Variants in PLCB4 observed in about 807,000 individuals in gnomAD.
PLCB4 encodes phospholipase C beta 4.
A neutral mutation model predicts 178.8 loss-of-function variants in PLCB4; 77 were observed. The ratio of observed to expected loss-of-function variants is 0.43; its 90% CI spans 0.36 to 0.52. The LOEUF (loss-of-function observed/expected upper bound fraction) is 0.52, where lower values mean the gene tolerates loss of function less well. Ranked by LOEUF, PLCB4 falls within the 20% of genes least tolerant of loss-of-function variation. The probability of loss-of-function intolerance (pLI) is 0.00; values close to 1 mark genes in which losing one functional copy is unlikely to be tolerated. For missense variants in PLCB4, 1,024 were observed against 1,453.4 expected (o/e 0.70, Z 4.80); for synonymous variants, 496 against 490.8 (o/e 1.01, Z -0.14).
At chr20:9,283,840 CCTTT>C (rs556231334) in intron 3 of PLCB4, among the ~76,000 whole-genome samples, 107 of 151,926 alleles carry the variant, frequency 7.0e-4, no homozygotes, top group African/African-American at 2.5e-3. Context: ...TACTTTATTC[CCTTT>C]CTATTATATT....
chr20:9,203,402 C>T (rs566522357), intron 2 of PLCB4, among the ~76,000 whole-genome samples: 33 of 152,266 alleles, frequency 2.2e-4, no homozygotes, highest in African/African-American at 7.5e-4. Context: ...TTAGAAGTGA[C>T]TTACAATAAA....
At chr20:9,428,426 G>C (rs1341524720) in intron 28 of PLCB4, among the ~76,000 whole-genome samples, 4 of 152,168 alleles carry the variant, frequency 2.6e-5, no homozygotes, top group Admixed American at 6.5e-5. Flanking sequence ...ATTTAAACAG[G>C]CTTATCTATT....
chr20:9,334,624 A>C (rs996376674), intron 4 of PLCB4, among the ~76,000 whole-genome samples: 2 of 152,168 alleles, frequency 1.3e-5, no homozygotes, highest in Admixed American at 1.3e-4. Flanking sequence ...ACTAAATGAG[A>C]CATGGAAGTT....
chr20:9,338,031 C>A lies in PLCB4; in HGVS notation c.189C>A (p.Ser63=). The A allele has an allele frequency of 6.2e-7, 1 of 1,611,942 alleles. No individual in the cohort carries two copies. The highest frequency in any genetic ancestry group is 8.5e-7 in the Non-Finnish European group (1 of 1,178,308). Reference sequence around the variant, plus strand: ...AGGAAGGACAGGTGCTAGAATGCTCCCTCATCAACAGTATTCGGTCGGGAG... The same window carrying A: ...AGGAAGGACAGGTGCTAGAATGCTCACTCATCAACAGTATTCGGTCGGGAG... ...EGKEGQVLEC[S]LINSIRSGAI... is the part of the protein sequence containing the mutation. Residue 63 remains serine (S), a synonymous_variant, in exon 6 of 40, where the codon TCC becomes TCA. Coordinates refer to ENST00000378473, the MANE Select transcript of PLCB4 (RefSeq NM_001377142.1).
chr20:9,431,304 T>G (rs1253753918), intron 28 of PLCB4, among the ~76,000 whole-genome samples: 1 of 152,006 alleles, frequency 6.6e-6, no homozygotes, highest in East Asian at 1.9e-4. Context: ...TGATTGGATT[T>G]AGGGCCCACC....
chr20:9,266,352 C>G (rs948499066), intron 3 of PLCB4, among the ~76,000 whole-genome samples: 3 of 152,180 alleles, frequency 2.0e-5, no homozygotes, highest in African/African-American at 7.2e-5. Context: ...CTGAGAAGCA[C>G]TGTTCTAGAT....
intron 2 of PLCB4, among the ~76,000 whole-genome samples, chr20:9,161,512 ATTTT>A (rs2092887368): frequency 6.6e-6 from 1 of 152,186 alleles, no homozygotes; most frequent in Admixed American, 6.5e-5. Flanking sequence ...TGTCTGGCTG[ATTTT>A]ACCACCCAGG....
intron 29 of PLCB4, 83 bp from the exon 30 acceptor site, chr20:9,436,919 T>C: frequency 2.3e-6 from 3 of 1,315,540 alleles, no homozygotes; most frequent in Non-Finnish European, 3.2e-6. Flanking sequence ...AGAAGTTTAC[T>C]GGATTCAGTA....
At chr20:9,204,915 C>T (rs1022008630) in intron 2 of PLCB4, among the ~76,000 whole-genome samples, 2 of 151,740 alleles carry the variant, frequency 1.3e-5, no homozygotes, top group African/African-American at 4.8e-5. Context: ...AAAAAAAACC[C>T]GAATTTAAAA....
chr20:9,294,408 G>T (rs1223804163), intron 3 of PLCB4, among the ~76,000 whole-genome samples: 1 of 152,082 alleles, frequency 6.6e-6, no homozygotes, highest in African/African-American at 2.4e-5. Context: ...AAATGGTTGA[G>T]AAAATTACCA....
chr20:9,242,830 A>T (rs1009076085), intron 3 of PLCB4, among the ~76,000 whole-genome samples: 1 of 152,174 alleles, frequency 6.6e-6, no homozygotes, highest in Admixed American at 6.5e-5. Flanking sequence ...CAGAAACTGT[A>T]GGAGTGGGAT....
At chr20:9,071,704 T>C (rs2089582588) in intron 1 of PLCB4, among the ~76,000 whole-genome samples, 1 of 152,222 alleles carries the variant, frequency 6.6e-6, no homozygotes, top group South Asian at 2.1e-4. Context: ...ATTTTATCTT[T>C]TCGGATTAGA....
chr20:9,135,519 T>C (rs1337556010), intron 2 of PLCB4, among the ~76,000 whole-genome samples: 1 of 152,126 alleles, frequency 6.6e-6, no homozygotes, highest in Non-Finnish European at 1.5e-5. Flanking sequence ...ACTTTGTTTC[T>C]TGAGGGTATT....
intron 1 of PLCB4, among the ~76,000 whole-genome samples, chr20:9,084,913 C>T (rs897210242): frequency 5.9e-5 from 9 of 151,936 alleles, no homozygotes; most frequent in South Asian, 2.1e-4. Flanking sequence ...ATTAGCCGGG[C>T]GTGGTGGCGT....
At position 9,159,949 on chromosome 20, in the gene PLCB4, G is replaced by C. The variant is rs538084192; in HGVS notation, c.-78-57441G>C. ...CGTGAACTTCAGAAGGCTTCTGATA[G>C]ATTTTAGGCCTGTTTAGTTGCCCAT... On this transcript the variant is annotated intron_variant, in intron 2 of 39. Transcript: ENST00000378473. 3.9e-5 allele frequency among the ~76,000 whole-genome samples: 6 copies of C among 152,300 alleles called. No homozygotes were observed. The South Asian group carries it at 1.2e-3, about 32-fold the overall frequency.
chr20:9,446,062 C>A lies in PLCB4; in HGVS notation c.2880+1819C>A, dbSNP rs6056630. Among the ~76,000 whole-genome samples, 418 of 152,308 alleles carry A rather than the reference C, an allele frequency of 2.7e-3. 2 individuals are homozygous for A. The highest frequency in any genetic ancestry group is 9.5e-3 in the African/African-American group (395 of 41,570). ...GTAATAATAGCAGCAATAATAGCAG[C>A]TAGAATTCCTGCATGCTCAGTAATT... On this transcript the variant is annotated intron_variant, in intron 32 of 39. Transcript: ENST00000378473.
At chr20:9,447,232 G>A (rs1400896214) in intron 32 of PLCB4, among the ~76,000 whole-genome samples, 1 of 152,186 alleles carries the variant, frequency 6.6e-6, no homozygotes, top group East Asian at 1.9e-4. Flanking sequence ...TTAAAACAAT[G>A]ACCATTTATT....
intron 2 of PLCB4, among the ~76,000 whole-genome samples, chr20:9,148,200 C>G (rs781477662): frequency 2.0e-5 from 3 of 152,052 alleles, no homozygotes; most frequent in Non-Finnish European, 2.9e-5. Flanking sequence ...TCCTTCAATC[C>G]AAACAGCTAT....
chr20:9,384,551 T>C, intron 14 of PLCB4, 140 bp downstream of exon 14: 2 of 643,940 alleles, frequency 3.1e-6, no homozygotes, highest in Non-Finnish European at 5.5e-6. Flanking sequence ...CATGGTCATT[T>C]AACGTTGAGA....
Sources: allele counts gnomAD v4.1 joint callset (sites outside exome capture counted in the v4.1 genomes callset), GRCh38; gene constraint gnomAD v4.1.1; transcripts MANE v1.5; gene names NCBI Gene and HGNC (gene_info 2026-07-23, HGNC 2026-07-21).